PIK3CG: variants seen among roughly 807,000 people sequenced by gnomAD.
PIK3CG encodes phosphatidylinositol-4,5-bisphosphate 3-kinase catalytic subunit gamma.
A neutral mutation model predicts 102.3 loss-of-function variants in PIK3CG; 55 were observed. The ratio of observed to expected loss-of-function variants is 0.54; its 90% CI spans 0.43 to 0.67. The LOEUF (loss-of-function observed/expected upper bound fraction) is 0.67, where lower values mean the gene tolerates loss of function less well. Ranked by LOEUF, PIK3CG falls within the 30% of genes least tolerant of loss-of-function variation. The pLI is 0.00. For synonymous variants in PIK3CG, 552 were observed against 540.0 expected (o/e 1.02, Z -0.31); for missense variants, 1,258 against 1,391.8 (o/e 0.90, Z 1.53).
intron 10 of PIK3CG, among the ~76,000 whole-genome samples, chr7:106,900,484 A>C (rs1025937177): frequency 1.3e-5 from 2 of 152,164 alleles, no homozygotes; most frequent in Admixed American, 1.3e-4. Context: ...TAAAGACAGC[A>C]TTACCATTGG....
Position 106,906,830 on chromosome 7 carries a change from T to C in PIK3CG, c.*1443T>C, listed in dbSNP as rs1562805327. 1 of 208,252 alleles carries C rather than the reference T, an allele frequency of 4.8e-6. No homozygotes were observed. The highest frequency in any genetic ancestry group is 9.5e-6 in the Non-Finnish European group (1 of 105,606). 12.9% of individuals were successfully genotyped at this position (208,252 alleles called of 1,614,324 possible). A position where few individuals can be genotyped will look rare whatever the true frequency, so the allele number is the denominator to read the frequency against. ...TGACTTTGAGGTAGTCCAGACCTTT[T>C]CTTTTTTTTTTTTTTTTTAATGTGT... On this transcript the variant is annotated 3_prime_UTR_variant, in exon 11 of 11. Coordinates refer to ENST00000496166, the MANE Select transcript of PIK3CG (RefSeq NM_001282426.2).
intron 10 of PIK3CG, among the ~76,000 whole-genome samples, chr7:106,898,430 G>A (rs1381646060): frequency 6.6e-6 from 1 of 152,124 alleles, no homozygotes; most frequent in Non-Finnish European, 1.5e-5. Flanking sequence ...TGCTTTTGGT[G>A]TCTTTGTCAT....
intron 5 of PIK3CG, among the ~76,000 whole-genome samples, chr7:106,878,756 A>G (rs567217987): frequency 1.3e-5 from 2 of 152,356 alleles, no homozygotes; most frequent in South Asian, 4.1e-4. Flanking sequence ...AATTTTATAT[A>G]CAATTACCAG....
At position 106,882,230 on chromosome 7, in the gene PIK3CG, G is replaced by A. The variant is rs369151950; in HGVS notation, c.2629+23G>A. On this transcript the variant is annotated intron_variant, in intron 7 of 10. Coordinates refer to ENST00000496166, the MANE Select transcript of PIK3CG (RefSeq NM_001282426.2). Reference sequence around the variant, plus strand: ...TAGGTATGTAGTTACCTCAGGAGATGAATAGACCTCTCAGCTCGTTTGAAA... The same window carrying A: ...TAGGTATGTAGTTACCTCAGGAGATAAATAGACCTCTCAGCTCGTTTGAAA... 2.0e-5 allele frequency: 23 copies of A among 1,157,926 alleles called. No individual in the cohort carries two copies. In the African/African-American group the frequency reaches 3.5e-4, roughly 17 times the overall value. 71.7% of individuals were successfully genotyped at this position (1,157,926 alleles called of 1,614,324 possible).
rs1790360391 is a variant in PIK3CG at position 106,867,886 on chromosome 7, A to G, written c.325A>G (p.Ile109Val). 1.2e-6 allele frequency: 2 copies of G among 1,613,060 alleles called. No individual in the cohort carries two copies. The highest frequency in any genetic ancestry group is 1.7e-6 in the Non-Finnish European group (2 of 1,179,936). The change falls in exon 2 of 11, where the codon ATC (isoleucine) becomes GTC (valine). Residue 109 changes from isoleucine to valine, a missense_variant. By Grantham distance (29) the Ile-to-Val change is conservative. Around this residue, in one of 2 missense-constraint regions of PIK3CG, gnomAD observed 832 missense variants for 787.5 expected, o/e 1.06. Coordinates refer to ENST00000496166, the MANE Select transcript of PIK3CG (RefSeq NM_001282426.2). The surrounding 1 kb of genome is among the most constrained non-coding windows in gnomAD (Gnocchi z 5.1). ...TCAGAAGAAGGGGCAGTGGTACGAGATCTACGACAAGTACCAGGTGGTGCA... is the reference window on the plus strand; with the variant it reads ...TCAGAAGAAGGGGCAGTGGTACGAGGTCTACGACAAGTACCAGGTGGTGCA... ...LYQKKGQWYE[I>V]YDKYQVVQTL...
At position 106,867,816 on chromosome 7, in the gene PIK3CG, G is replaced by A. The variant is rs562007121; in HGVS notation, c.255G>A (p.Ala85=). 2.5e-6 allele frequency: 4 copies of A among 1,612,420 alleles called. No individual in the cohort carries two copies. Among genetic ancestry groups the A allele is most frequent in the East Asian group, 4.5e-5 (2 of 44,852 alleles). ...WLRALETSVA[A]DFYHRLGPHH... ...GAGCGCTGGAGACCAGCGTGGCGGC[G>A]GACTTCTACCACCGGCTGGGACCGC... is the stretch of plus-strand genomic sequence containing the variant. The change falls in exon 2 of 11, where the codon GCG becomes GCA. Residue 85 remains alanine (A), a synonymous_variant. Coordinates refer to ENST00000496166, the MANE Select transcript of PIK3CG (RefSeq NM_001282426.2). The surrounding 1 kb of genome is among the most constrained non-coding windows in gnomAD (Gnocchi z 5.1).
In PIK3CG at chr7:106,906,867, A is replaced by G. The variant is rs911286492; in HGVS notation, c.*1480A>G. 2.2e-5 allele frequency: 5 copies of G among 227,042 alleles called. No individual in the cohort carries two copies. The highest frequency in any genetic ancestry group is 1.1e-4 in the Admixed American group (2 of 17,456). The allele number at this position is 227,042 out of a possible 1,614,324, so 14.1% of individuals were successfully genotyped here. A position where few individuals can be genotyped will look rare whatever the true frequency, so the allele number is the denominator to read the frequency against. On this transcript the variant is annotated 3_prime_UTR_variant, in exon 11 of 11. Transcript: ENST00000496166. The stretch of plus-strand genomic sequence containing the variant: ...TTTTTTTAATGTGTGCAAAAGCCCA[A>G]AGGTTCCTAAGCCTGGCTGCAAAGA...
chr7:106,896,381 AAAT>A, intron 10 of PIK3CG, among the ~76,000 whole-genome samples: 1 of 152,312 alleles, frequency 6.6e-6, no homozygotes, highest in East Asian at 1.9e-4. Context: ...GAAGGACAGA[AAAT>A]AATTAAAAAT....
In PIK3CG at chr7:106,872,641, G is replaced by C. The variant is rs1416640220; in HGVS notation, c.2061+39G>C. On this transcript the variant is annotated intron_variant, in intron 3 of 10. Transcript: ENST00000496166. This position sits in a 1 kb window ranked among gnomAD's most constrained non-coding sequence, Gnocchi z 5.3. ...TTTTGATAATAGCGTGAAATTTTAA[G>C]TTGCCAAGAATTAACTGGTAGACCT... 6.2e-7 allele frequency: 1 copy of C among 1,604,220 alleles called. No homozygotes were observed. Among genetic ancestry groups the C allele is most frequent in the African/African-American group, 1.3e-5 (1 of 74,766 alleles).
At position 106,868,424 on chromosome 7, in the gene PIK3CG, A is replaced by G. The variant is rs1475339032; in HGVS notation, c.863A>G (p.Lys288Arg). 5 of 1,614,126 alleles carry G rather than the reference A, an allele frequency of 3.1e-6. No homozygotes were observed. Among genetic ancestry groups the G allele is most frequent in the Non-Finnish European group, 3.4e-6 (4 of 1,180,052 alleles). ...DEYLVGETPI[K>R]NFQWVRHCLK... ...TACCTGGTGGGCGAAACGCCCATCA[A>G]AAACTTCCAGTGGGTGAGGCACTGC... is the stretch of plus-strand genomic sequence containing the variant. Residue 288 changes from lysine to arginine, a missense_variant, in exon 2 of 11, where the codon AAA (lysine) becomes AGA (arginine). Transcript: ENST00000496166. This position sits in a 1 kb window ranked among gnomAD's most constrained non-coding sequence, Gnocchi z 6.2.
rs2116446082 is a variant in PIK3CG, at chr7:106,868,647, G to A, written c.1086G>A (p.Arg362=). 1 of 1,614,152 alleles carries A rather than the reference G, an allele frequency of 6.2e-7. No homozygotes were observed. The highest frequency in any genetic ancestry group is 8.5e-7 in the Non-Finnish European group (1 of 1,180,022). ...TGTGGGACTGCGACCGCAAGTTCAG[G>A]GTCAAGATCAGAGGCATTGATATCC... is the stretch of plus-strand genomic sequence containing the variant. ...VSLWDCDRKF[R]VKIRGIDIPV... is the part of the protein sequence containing the mutation. Residue 362 remains arginine (R), a synonymous_variant, in exon 2 of 11, where the codon AGG becomes AGA. Coordinates refer to ENST00000496166, the MANE Select transcript of PIK3CG (RefSeq NM_001282426.2). The surrounding 1 kb of genome is among the most constrained non-coding windows in gnomAD (Gnocchi z 6.2).
At chr7:106,900,301 A>G (rs1261186626) in intron 10 of PIK3CG, among the ~76,000 whole-genome samples, 1 of 152,100 alleles carries the variant, frequency 6.6e-6, no homozygotes, top group African/African-American at 2.4e-5. Flanking sequence ...TGAACCCATT[A>G]CCATTATGTA....
intron 5 of PIK3CG, among the ~76,000 whole-genome samples, chr7:106,878,315 G>T (rs536077869): frequency 2.6e-5 from 4 of 152,184 alleles, no homozygotes; most frequent in African/African-American, 9.6e-5. Flanking sequence ...TCAGCAATTT[G>T]ATTATGATGT....
chr7:106,874,236 A>C lies in PIK3CG; in HGVS notation c.2288-464A>C, dbSNP rs116028421. Among the ~76,000 whole-genome samples the C allele has an allele frequency of 6.6e-6, 1 of 152,162 alleles. No individual in the cohort carries two copies. The highest frequency in any genetic ancestry group is 1.5e-5 in the Non-Finnish European group (1 of 68,026). ...TAAGGCTGTCACATCCATCTTCTCT[A>C]CTTCTCTACAGAACCTAACTTCCTC... On this transcript the variant is annotated intron_variant, in intron 4 of 10. Transcript: ENST00000496166. The surrounding 1 kb of genome is among the most constrained non-coding windows in gnomAD (Gnocchi z 4.3).
intron 10 of PIK3CG, among the ~76,000 whole-genome samples, chr7:106,889,721 G>C (rs865823788): frequency 1.8e-4 from 27 of 152,218 alleles, no homozygotes; most frequent in Non-Finnish European, 3.7e-4. Flanking sequence ...CTAGTGGCTT[G>C]AGCATGGAAG....
In PIK3CG at chr7:106,869,648, C is replaced by G. The variant is rs1317248032; in HGVS notation, c.1995+92C>G. The G allele has an allele frequency of 3.4e-5, 37 of 1,073,318 alleles. No homozygotes were observed. The allele number at this position is 1,073,318 out of a possible 1,614,324, so 66.5% of individuals were successfully genotyped here. On this transcript the variant is annotated intron_variant, in intron 2 of 10. Coordinates refer to ENST00000496166, the MANE Select transcript of PIK3CG (RefSeq NM_001282426.2). The surrounding 1 kb of genome is among the most constrained non-coding windows in gnomAD (Gnocchi z 5.3). Reference sequence around the variant, plus strand: ...CTCCATTCAGTTGTCATCAAATGCCCTTTGTTCAGAGCTTCATCATCGGCA... The same window carrying G: ...CTCCATTCAGTTGTCATCAAATGCCGTTTGTTCAGAGCTTCATCATCGGCA...
In PIK3CG at chr7:106,886,258, G is replaced by C. The variant is rs775602332; in HGVS notation, c.2996G>C (p.Gly999Ala). The C allele has an allele frequency of 6.2e-7, 1 of 1,614,058 alleles. No homozygotes were observed. Among genetic ancestry groups the C allele is most frequent in the Non-Finnish European group, 8.5e-7 (1 of 1,179,992 alleles). Reference protein sequence around the residue: ...PDFLFVMGTSGKKTSPHFQKF... With the variant: ...PDFLFVMGTSAKKTSPHFQKF... ...TTCCTCTTTGTGATGGGAACTTCTG[G>C]AAAGAAGACAAGCCCACACTTCCAG... The change falls in exon 10 of 11, where the codon GGA becomes GCA. Residue 999 changes from glycine (G) to alanine (A), a missense_variant. By Grantham distance (60) the Gly-to-Ala change is moderately conservative. Coordinates refer to ENST00000496166, the MANE Select transcript of PIK3CG (RefSeq NM_001282426.2).
In PIK3CG at chr7:106,872,442, C is replaced by CAGT. The variant is rs1790563788; in HGVS notation, c.1996-93_1996-91dup. On this transcript the variant is annotated intron_variant, in intron 2 of 10. Coordinates refer to ENST00000496166, the MANE Select transcript of PIK3CG (RefSeq NM_001282426.2). This position sits in a 1 kb window ranked among gnomAD's most constrained non-coding sequence, Gnocchi z 5.3. Reference sequence around the variant, plus strand: ...TTTCATCTTTCTAGCCGTGAAGACCCAGTAAAGCAGAGCACCAGTTCTTCT... The same window carrying CAGT: ...TTTCATCTTTCTAGCCGTGAAGACCCAGTAGTAAAGCAGAGCACCAGTTCTTCT... 1.1e-6 allele frequency: 1 copy of CAGT among 941,642 alleles called. No individual in the cohort carries two copies. Among genetic ancestry groups the CAGT allele is most frequent in the African/African-American group, 1.6e-5 (1 of 62,014 alleles). 58.3% of individuals were successfully genotyped at this position (941,642 alleles called of 1,614,324 possible). A position where few individuals can be genotyped will look rare whatever the true frequency, so the allele number is the denominator to read the frequency against.
In PIK3CG at chr7:106,892,306, T is replaced by A. The variant is rs1368993863; in HGVS notation, c.3030+6014T>A. Among the ~76,000 whole-genome samples the A allele has an allele frequency of 1.3e-5, 2 of 152,216 alleles. No homozygotes were observed. The highest frequency in any genetic ancestry group is 4.8e-5 in the African/African-American group (2 of 41,458). Reference sequence around the variant, plus strand: ...CCTGCTAGGCTGGATTTTCTCAGCCTCCTGCTCTAGCCTGTTATAGTTACC... The same window carrying A: ...CCTGCTAGGCTGGATTTTCTCAGCCACCTGCTCTAGCCTGTTATAGTTACC... On this transcript the variant is annotated intron_variant, in intron 10 of 10. Transcript: ENST00000496166. This position sits in a 1 kb window ranked among gnomAD's most constrained non-coding sequence, Gnocchi z 5.2.
Sources: allele counts gnomAD v4.1 joint callset (sites outside exome capture counted in the v4.1 genomes callset), GRCh38; gene constraint gnomAD v4.1.1; regional missense constraint gnomAD v4.1.1; non-coding constraint Gnocchi (gnomAD v3.1); transcripts MANE v1.5; gene names NCBI Gene and HGNC (gene_info 2026-07-23, HGNC 2026-07-21).